Variants in EXOC6B observed in about 807,000 individuals in gnomAD.
EXOC6B encodes SEC15 homolog B.
In EXOC6B, 54 loss-of-function variants were observed where a neutral mutation model predicts 113.5. The ratio of observed to expected loss-of-function variants is 0.48; its 90% confidence interval spans 0.38 to 0.60. EXOC6B has a LOEUF of 0.60. Among genes scored for constraint, EXOC6B ranks in the 20% least tolerant of loss-of-function variants. EXOC6B has a pLI of 0.00. For synonymous variants in EXOC6B, 357 were observed against 339.0 expected (o/e 1.05, Z -0.58); for missense variants, 797 against 977.5 (o/e 0.82, Z 2.46).
intron 18 of EXOC6B, among the ~76,000 whole-genome samples, chr2:72,401,667 G>GTA (rs1244443202): frequency 0.011 from 254 of 24,068 alleles, 18 homozygotes; most frequent in Admixed American, 0.05. Flanking sequence ...ATATATATAT[G>GTA]TATATATATA....
intron 1 of EXOC6B, among the ~76,000 whole-genome samples, chr2:72,786,060 C>T (rs1017047162): frequency 6.6e-6 from 1 of 151,778 alleles, no homozygotes; most frequent in African/African-American, 2.4e-5. Flanking sequence ...CTTGTCTTCA[C>T]TAAAAATAAA....
At chr2:72,616,242 C>T (rs1222910884) in intron 6 of EXOC6B, among the ~76,000 whole-genome samples, 1 of 151,940 alleles carries the variant, frequency 6.6e-6, no homozygotes, top group Non-Finnish European at 1.5e-5. Context: ...TATCAAAATA[C>T]CAATGACATT....
intron 5 of EXOC6B, among the ~76,000 whole-genome samples, chr2:72,719,156 C>T (rs1679833080): frequency 6.6e-6 from 1 of 152,178 alleles, no homozygotes; most frequent in Non-Finnish European, 1.5e-5. Flanking sequence ...CACCCCTGGT[C>T]ATTGGCCATG....
intron 1 of EXOC6B, among the ~76,000 whole-genome samples, chr2:72,801,131 T>A (rs1376135726): frequency 3.9e-5 from 6 of 152,200 alleles, no homozygotes; most frequent in Non-Finnish European, 5.9e-5. Context: ...GGAAGCCCCT[T>A]GTTATCTGCA....
chr2:72,693,999 AC>A (rs1468437777), intron 6 of EXOC6B, among the ~76,000 whole-genome samples: 3 of 152,198 alleles, frequency 2.0e-5, no homozygotes, highest in Non-Finnish European at 4.4e-5. Context: ...GACATGAGAT[AC>A]TAATGTTGTC....
At chr2:72,365,396 G>A (rs963526640) in intron 19 of EXOC6B, among the ~76,000 whole-genome samples, 2 of 152,126 alleles carry the variant, frequency 1.3e-5, no homozygotes, top group African/African-American at 2.4e-5. Context: ...AACGGTTTTA[G>A]ATACTGGACA....
At chr2:72,624,960 T>G (rs528425895) in intron 6 of EXOC6B, among the ~76,000 whole-genome samples, 1 of 150,530 alleles carries the variant, frequency 6.6e-6, no homozygotes, top group Admixed American at 6.7e-5. Context: ...GCCTATAGAG[T>G]CCACACAGCA....
chr2:72,740,961 G>A (rs1198088025), intron 2 of EXOC6B, among the ~76,000 whole-genome samples: 1 of 152,074 alleles, frequency 6.6e-6, no homozygotes, highest in African/African-American at 2.4e-5. Flanking sequence ...AAAATTAGCC[G>A]GGCGTGGTGG....
chr2:72,445,827 A>G (rs1696541121), intron 18 of EXOC6B, among the ~76,000 whole-genome samples: 1 of 152,182 alleles, frequency 6.6e-6, no homozygotes, highest in Non-Finnish European at 1.5e-5. Flanking sequence ...TTAAGAAGTG[A>G]GCAAAGGACA....
chr2:72,518,118 G>A (rs1041660479), intron 8 of EXOC6B, among the ~76,000 whole-genome samples: 1 of 152,162 alleles, frequency 6.6e-6, no homozygotes, highest in Admixed American at 6.6e-5. Context: ...TGCAGTGCCT[G>A]TCTATTCACA....
intron 1 of EXOC6B, among the ~76,000 whole-genome samples, chr2:72,747,148 T>C (rs991413501): frequency 6.6e-6 from 1 of 152,040 alleles, no homozygotes; most frequent in African/African-American, 2.4e-5. Context: ...CTTCCTCCTA[T>C]TGGAAGAGTC....
At chr2:72,757,736 A>C (rs1682506532) in intron 1 of EXOC6B, among the ~76,000 whole-genome samples, 1 of 152,090 alleles carries the variant, frequency 6.6e-6, no homozygotes. Context: ...ATGAAATGAA[A>C]ACTCCTTCTC....
intron 6 of EXOC6B, among the ~76,000 whole-genome samples, chr2:72,673,805 G>A (rs1027402601): frequency 6.8e-6 from 1 of 146,568 alleles, no homozygotes; most frequent in Non-Finnish European, 1.5e-5. Context: ...GGTAATTTAA[G>A]TTAGGTTTCT....
intron 20 of EXOC6B, among the ~76,000 whole-genome samples, chr2:72,256,649 C>G (rs1683370563): frequency 6.6e-6 from 1 of 152,164 alleles, no homozygotes; most frequent in Non-Finnish European, 1.5e-5. Context: ...TGGAGACTTA[C>G]TTACAACTAT....
intron 20 of EXOC6B, among the ~76,000 whole-genome samples, chr2:72,267,194 G>A (rs1358958448): frequency 6.6e-6 from 1 of 152,124 alleles, no homozygotes; most frequent in South Asian, 2.1e-4. Context: ...CAATCATGTT[G>A]TCTGCAAACA....
At chr2:72,196,095 G>A (rs762143231) in intron 20 of EXOC6B, among the ~76,000 whole-genome samples, 1 of 152,254 alleles carries the variant, frequency 6.6e-6, no homozygotes, top group African/African-American at 2.4e-5. Context: ...CCCTTAAAAT[G>A]TCTTTTACCA....
intron 7 of EXOC6B, among the ~76,000 whole-genome samples, chr2:72,566,151 T>C (rs991251419): frequency 2.0e-5 from 3 of 152,138 alleles, no homozygotes; most frequent in Non-Finnish European, 2.9e-5. Context: ...GTTCCAGCAC[T>C]TCCCAAAATT....
At chr2:72,771,876 T>TTA (rs1251261696) in intron 1 of EXOC6B, among the ~76,000 whole-genome samples, 3 of 152,016 alleles carry the variant, frequency 2.0e-5, no homozygotes, top group East Asian at 1.9e-4. Context: ...CTTATATGAA[T>TTA]TATATATATA....
intron 6 of EXOC6B, among the ~76,000 whole-genome samples, chr2:72,594,074 G>A (rs1669917272): frequency 6.6e-6 from 1 of 152,138 alleles, no homozygotes; most frequent in Admixed American, 6.5e-5. Flanking sequence ...TTGACCTCCT[G>A]GTCTCAACTG....
Sources: gnomAD v4.1 joint callset for allele counts (sites outside exome capture counted in the v4.1 genomes callset) on GRCh38, gnomAD v4.1.1 for gene constraint, MANE v1.5 for transcripts, NCBI Gene and HGNC (gene_info 2026-07-23, HGNC 2026-07-21) for gene names.